The following RHOBTB3 variants were observed in gnomAD, a reference collection of about 807,000 sequenced individuals.
The protein encoded by RHOBTB3 is rho-related BTB domain-containing protein 3.
A neutral mutation model predicts 67.2 loss-of-function variants in RHOBTB3; 47 were observed. The ratio of observed to expected loss-of-function variants is 0.70; its 90% confidence interval spans 0.55 to 0.89. RHOBTB3 has a LOEUF of 0.89. Ranked by LOEUF, RHOBTB3 falls within the 40% of genes least tolerant of loss-of-function variation. The probability of loss-of-function intolerance (pLI) is 0.00; values close to 1 mark genes in which losing one functional copy is unlikely to be tolerated. For missense variants in RHOBTB3, 631 were observed against 750.0 expected (o/e 0.84, Z 1.85); for synonymous variants, 273 against 274.2 (o/e 1.00, Z 0.04).
chr5:95,737,936 T>C (rs1213209232), intron 3 of RHOBTB3, among the ~76,000 whole-genome samples: 1 of 152,204 alleles, frequency 6.6e-6, no homozygotes, highest in African/African-American at 2.4e-5. Flanking sequence ...ACAGATTAGT[T>C]TTACCTATTT....
At chr5:95,721,593 G>A (rs1399521069) in intron 1 of RHOBTB3, among the ~76,000 whole-genome samples, 1 of 151,376 alleles carries the variant, frequency 6.6e-6, no homozygotes. Flanking sequence ...GAAGGTAAAA[G>A]AGGAGAGAAT....
chr5:95,730,923 A>AG (rs532286249), upstream of RHOBTB3: 404 of 458,744 alleles, frequency 8.8e-4, 3 homozygotes, highest in African/African-American at 7.5e-3. Flanking sequence ...CAAGGCCAAG[A>AG]GGGGGGGAAA....
At chr5:95,724,867 G>A (rs1343226966) in intron 1 of RHOBTB3, among the ~76,000 whole-genome samples, 1 of 152,010 alleles carries the variant, frequency 6.6e-6, no homozygotes, top group Non-Finnish European at 1.5e-5. Context: ...GTAATGCCTG[G>A]TACATGGTAA....
chr5:95,748,129 T>C (rs1744974856), intron 3 of RHOBTB3, among the ~76,000 whole-genome samples: 1 of 152,226 alleles, frequency 6.6e-6, no homozygotes, highest in Non-Finnish European at 1.5e-5. Flanking sequence ...TAAAATACTA[T>C]TTATTATTCT....
At chr5:95,763,389 A>C in intron 6 of RHOBTB3, 119 bp from the exon 7 acceptor site, 1 of 640,440 alleles carries the variant, frequency 1.6e-6, no homozygotes, top group Non-Finnish European at 2.8e-6. Context: ...ATAAGGATGT[A>C]TATCTGGTAA....
chr5:95,778,853 G>A (rs531581159), intron 8 of RHOBTB3, among the ~76,000 whole-genome samples: 2 of 152,330 alleles, frequency 1.3e-5, no homozygotes, highest in African/African-American at 4.8e-5. Context: ...GAGGCGAGGA[G>A]GGGAGTGTGC....
intron 8 of RHOBTB3, among the ~76,000 whole-genome samples, chr5:95,777,014 C>T (rs1250688138): frequency 1.3e-5 from 2 of 152,138 alleles, no homozygotes; most frequent in East Asian, 3.8e-4. Flanking sequence ...GGATACCATC[C>T]CCTGTAATAG....
intron 6 of RHOBTB3, 131 bp downstream of exon 6, chr5:95,755,892 T>C: frequency 1.2e-6 from 1 of 847,706 alleles, no homozygotes; most frequent in East Asian, 2.5e-5. Flanking sequence ...AGATTATACA[T>C]GAAATATTAT....
chr5:95,744,220 C>T (rs997761316), intron 3 of RHOBTB3, among the ~76,000 whole-genome samples: 3 of 152,184 alleles, frequency 2.0e-5, no homozygotes, highest in Admixed American at 6.5e-5. Context: ...GTCCCCTGTA[C>T]ATGCTGTATT....
At position 95,790,119 on chromosome 5, in the gene RHOBTB3, G is replaced by A. The variant is rs552698782; in HGVS notation, c.1720+1261G>A. On this transcript the variant is annotated intron_variant, in intron 11 of 11. Coordinates refer to ENST00000379982, the MANE Select transcript of RHOBTB3 (RefSeq NM_014899.4). ...AACAAACATTATATGTCTATTAGGAGCCTCCTTATATAAGTCAACTATTAG... is the reference window on the plus strand; with the variant it reads ...AACAAACATTATATGTCTATTAGGAACCTCCTTATATAAGTCAACTATTAG... 2.2e-3 allele frequency among the ~76,000 whole-genome samples: 332 copies of A among 152,318 alleles called. 1 individual carries two copies. The highest frequency in any genetic ancestry group is 4.0e-3 in the Admixed American group (61 of 15,302).
chr5:95,730,654 T>C (rs183742610), upstream of RHOBTB3, among the ~76,000 whole-genome samples: 22 of 152,292 alleles, frequency 1.4e-4, no homozygotes, highest in African/African-American at 4.8e-4. Context: ...CATACATAAC[T>C]TCCTTTAAAA....
intron 1 of RHOBTB3, among the ~76,000 whole-genome samples, chr5:95,723,889 G>GA (rs1226446691): frequency 6.6e-6 from 1 of 151,964 alleles, no homozygotes; most frequent in Admixed American, 6.6e-5. Context: ...ACCCCATCAG[G>GA]AAAAAATGTG....
At chr5:95,766,263 G>A (rs1745540304) in intron 7 of RHOBTB3, among the ~76,000 whole-genome samples, 2 of 151,866 alleles carry the variant, frequency 1.3e-5, no homozygotes, top group South Asian at 2.1e-4. Flanking sequence ...TATTACTGCT[G>A]ATGTTATATG....
chr5:95,774,486 G>A (rs1745810767), intron 8 of RHOBTB3, among the ~76,000 whole-genome samples: 1 of 152,100 alleles, frequency 6.6e-6, no homozygotes, highest in Admixed American at 6.6e-5. Context: ...TTTTCTTACT[G>A]TAGGTGTAAA....
chr5:95,785,000 C>T (rs60880577), intron 10 of RHOBTB3, among the ~76,000 whole-genome samples: 31,418 of 152,150 alleles, frequency 0.21, 3,307 homozygotes, highest in South Asian at 0.27. Flanking sequence ...ATCTGGCATC[C>T]AACATGTCTA....
intron 5 of RHOBTB3, among the ~76,000 whole-genome samples, chr5:95,754,116 G>A (rs1158426595): frequency 6.6e-6 from 1 of 152,032 alleles, no homozygotes; most frequent in East Asian, 1.9e-4. Flanking sequence ...GAAAAGAAAA[G>A]AAAAATCTCT....
chr5:95,721,318 G>C (rs192559400), intron 1 of RHOBTB3, among the ~76,000 whole-genome samples: 1 of 152,182 alleles, frequency 6.6e-6, no homozygotes, highest in Non-Finnish European at 1.5e-5. Flanking sequence ...ACTGAGAAAG[G>C]TCTAAGTGTC....
intron 8 of RHOBTB3, 71 bp downstream of exon 8, chr5:95,768,237 A>G (rs1181329732): frequency 6.9e-7 from 1 of 1,455,724 alleles, no homozygotes; most frequent in African/African-American, 1.4e-5. Context: ...TTTCTACTTC[A>G]GGTTTGAATG....
At position 95,768,122 on chromosome 5, in the gene RHOBTB3, T is replaced by C; in HGVS notation, c.1238T>C (p.Phe413Ser). 6.2e-7 allele frequency: 1 copy of C among 1,613,816 alleles called. No homozygotes were observed. Among genetic ancestry groups the C allele is most frequent in the East Asian group, 2.2e-5 (1 of 44,868 alleles). ...LWFYNTSLKF[F>S]LNKPMLADVV... Reference sequence around the variant, plus strand: ...TTTTATAACACTTCCCTCAAGTTTTTCCTTAATAAGCCGATGCTTGCCGAT... The same window carrying C: ...TTTTATAACACTTCCCTCAAGTTTTCCCTTAATAAGCCGATGCTTGCCGAT... Residue 413 changes from phenylalanine to serine, a missense_variant, in exon 8 of 12, where the codon TTC becomes TCC. Transcript: ENST00000379982.
Sources: allele counts gnomAD v4.1 joint callset (sites outside exome capture counted in the v4.1 genomes callset), GRCh38; gene constraint gnomAD v4.1.1; transcripts MANE v1.5; gene names NCBI Gene and HGNC (gene_info 2026-07-23, HGNC 2026-07-21).